ADAM12: variants seen among roughly 807,000 people sequenced by gnomAD.
ADAM12 encodes disintegrin and metalloproteinase domain-containing protein 12.
In ADAM12, 70 loss-of-function variants were observed where a neutral mutation model predicts 106.4. That is an observed-to-expected ratio of 0.66 (90% confidence interval 0.54 to 0.80). The LOEUF is 0.80. Ranked by LOEUF, ADAM12 falls within the 30% of genes least tolerant of loss-of-function variation. The probability of loss-of-function intolerance (pLI) is 0.00; values close to 1 mark genes in which losing one functional copy is unlikely to be tolerated. For missense variants in ADAM12, 1,010 were observed against 1,171.9 expected (o/e 0.86, Z 2.02); for synonymous variants, 420 against 433.5 (o/e 0.97, Z 0.39).
chr10:126,352,484 G>A (rs1161886154), intron 1 of ADAM12, among the ~76,000 whole-genome samples: 1 of 152,168 alleles, frequency 6.6e-6, no homozygotes, highest in South Asian at 2.1e-4. Flanking sequence ...TGGCACAGGT[G>A]ATATACATTT....
At position 126,019,761 on chromosome 10, in the gene ADAM12, C is replaced by T. The variant is rs753449687; in HGVS notation, c.2594G>A (p.Arg865Gln). The change falls in exon 22 of 23, where the codon CGG becomes CAG. Residue 865 changes from arginine to glutamine, a missense_variant. Around this residue, in one of 3 missense-constraint regions of ADAM12, gnomAD observed 615 missense variants for 708.5 expected, o/e 0.87. Coordinates refer to ENST00000448723, the MANE Select transcript of ADAM12 (RefSeq NM_001288973.2). ...LPADPLARTT[R>Q]LTHALARTPG... ...GGTCCTGGCCAAGGCATGAGTGAGC[C>T]GAGTTGTTCTGGCCAGAGGATCTGC... 8.4e-5 allele frequency: 136 copies of T among 1,613,946 alleles called. 1 individual carries two copies. The South Asian group carries it at 1.2e-3, about 14-fold the overall frequency.
intron 3 of ADAM12, among the ~76,000 whole-genome samples, chr10:126,257,805 G>A (rs1958922331): frequency 6.6e-6 from 1 of 152,194 alleles, no homozygotes; most frequent in South Asian, 2.1e-4. Context: ...AGTCAGCCTT[G>A]CCAAGGGCTC....
chr10:126,145,768 G>A (rs12218804), intron 4 of ADAM12, among the ~76,000 whole-genome samples: 49,059 of 151,906 alleles, frequency 0.32, 8,222 homozygotes, highest in Non-Finnish European at 0.38. Flanking sequence ...TGTCTTGCCT[G>A]TTGTTGATAT....
At chr10:126,082,854 C>T (rs1955255790) in intron 11 of ADAM12, among the ~76,000 whole-genome samples, 1 of 152,220 alleles carries the variant, frequency 6.6e-6, no homozygotes, top group East Asian at 1.9e-4. Context: ...GGCAGGGGAC[C>T]ACAGTGTGGG....
At chr10:126,354,415 A>C (rs1025706444) in intron 1 of ADAM12, among the ~76,000 whole-genome samples, 2 of 151,506 alleles carry the variant, frequency 1.3e-5, no homozygotes, top group Admixed American at 6.6e-5. Context: ...GAGAGGATTC[A>C]GAAGTTACTG....
chr10:126,385,301 G>C (rs896196482), intron 1 of ADAM12, among the ~76,000 whole-genome samples: 1 of 152,134 alleles, frequency 6.6e-6, no homozygotes, highest in Non-Finnish European at 1.5e-5. Flanking sequence ...CACCATTGGC[G>C]ATCAAGTCAA....
chr10:126,139,348 ATC>A (rs1398884667), intron 4 of ADAM12, among the ~76,000 whole-genome samples: 1 of 149,668 alleles, frequency 6.7e-6, no homozygotes, highest in Non-Finnish European at 1.5e-5. Flanking sequence ...CATAAATAAG[ATC>A]TCTTTTTTCC....
chr10:126,326,480 CG>C (rs1266364277), intron 2 of ADAM12, among the ~76,000 whole-genome samples: 1 of 152,186 alleles, frequency 6.6e-6, no homozygotes, highest in Non-Finnish European at 1.5e-5. Flanking sequence ...CTTGAATCCA[CG>C]GGCAAGTCCA....
At chr10:126,351,756 A>G (rs980601945) in intron 1 of ADAM12, among the ~76,000 whole-genome samples, 2 of 152,144 alleles carry the variant, frequency 1.3e-5, no homozygotes, top group African/African-American at 2.4e-5. Flanking sequence ...AATGCCTTCA[A>G]CTGTGCATTG....
chr10:126,388,141 G>C lies in ADAM12; in HGVS notation c.5C>G (p.Ala2Gly). 1 of 1,212,728 alleles carries C rather than the reference G, an allele frequency of 8.2e-7. No homozygotes were observed. Among genetic ancestry groups the C allele is most frequent in the East Asian group, 3.4e-5 (1 of 29,736 alleles). The allele number at this position is 1,212,728 out of a possible 1,614,324, so 75.1% of individuals were successfully genotyped here. A position where few individuals can be genotyped will look rare whatever the true frequency, so the allele number is the denominator to read the frequency against. The change falls in exon 1 of 23, where the codon GCA (alanine) becomes GGA (glycine). Residue 2 changes from alanine (A) to glycine (G), a missense_variant. Coordinates refer to ENST00000448723, the MANE Select transcript of ADAM12 (RefSeq NM_001288973.2). The surrounding 1 kb of genome is among the most constrained non-coding windows in gnomAD (Gnocchi z 4.4). ...GGGGGACACGGGCAGCGGGCGCGCT[G>C]CCATCGTCGCCGGCCTTCAGTGCAG... Reference protein sequence around the residue: MAARPLPVSPAR... With the variant: MGARPLPVSPAR...
At chr10:126,086,680 AATATAT>A (rs1210379675) in intron 11 of ADAM12, among the ~76,000 whole-genome samples, 51 of 24,272 alleles carry the variant, frequency 2.1e-3, no homozygotes, top group African/African-American at 8.1e-3. Flanking sequence ...AAAAAAAAAA[AATATAT>A]ATATATATAT....
At chr10:126,262,460 T>C (rs1238867751) in intron 3 of ADAM12, among the ~76,000 whole-genome samples, 1 of 152,172 alleles carries the variant, frequency 6.6e-6, no homozygotes, top group Non-Finnish European at 1.5e-5. Flanking sequence ...TCAGGATTCC[T>C]AGCCAAGCAG....
chr10:126,178,873 C>T (rs1287241174), intron 3 of ADAM12, among the ~76,000 whole-genome samples: 1 of 151,906 alleles, frequency 6.6e-6, no homozygotes, highest in African/African-American at 2.4e-5. Context: ...GTGGTGAAAC[C>T]CCATCTCTAT....
chr10:126,291,714 T>C (rs1960156714), intron 2 of ADAM12, among the ~76,000 whole-genome samples: 1 of 151,618 alleles, frequency 6.6e-6, no homozygotes, highest in Admixed American at 6.6e-5. Flanking sequence ...GGAGATGGAG[T>C]CAGAAAGCCC....
At chr10:126,208,392 G>A (rs536414986) in intron 3 of ADAM12, among the ~76,000 whole-genome samples, 1 of 152,272 alleles carries the variant, frequency 6.6e-6, no homozygotes, top group South Asian at 2.1e-4. Context: ...AGGGCTGAGG[G>A]TAAGAAACCT....
chr10:126,367,318 G>A (rs1161002324), intron 1 of ADAM12, among the ~76,000 whole-genome samples: 1 of 151,556 alleles, frequency 6.6e-6, no homozygotes, highest in Admixed American at 6.6e-5. Context: ...AATAAGCCAC[G>A]AGTCATAGAA....
At chr10:126,096,837 T>G (rs768072171) in intron 10 of ADAM12, among the ~76,000 whole-genome samples, 9 of 152,252 alleles carry the variant, frequency 5.9e-5, no homozygotes, top group Non-Finnish European at 1.3e-4. Context: ...ACATATTTCC[T>G]GATAATTAAC....
intron 5 of ADAM12, among the ~76,000 whole-genome samples, chr10:126,125,213 C>T (rs990467927): frequency 6.6e-5 from 10 of 150,992 alleles, no homozygotes; most frequent in African/African-American, 1.9e-4. Context: ...GCCAGGCTCT[C>T]GAATGTATTA....
chr10:126,370,864 T>C (rs1022407255), intron 1 of ADAM12, among the ~76,000 whole-genome samples: 1 of 152,182 alleles, frequency 6.6e-6, no homozygotes, highest in Admixed American at 6.5e-5. Context: ...ATGAGTTCTC[T>C]ATGCCTTAGT....
Sources: allele counts gnomAD v4.1 joint callset (sites outside exome capture counted in the v4.1 genomes callset), GRCh38; gene constraint gnomAD v4.1.1; regional missense constraint gnomAD v4.1.1; non-coding constraint Gnocchi (gnomAD v3.1); transcripts MANE v1.5; gene names NCBI Gene and HGNC (gene_info 2026-07-23, HGNC 2026-07-21).